Variants in NEK10 observed in about 807,000 individuals in gnomAD.
NEK10 encodes serine/threonine-protein kinase Nek10.
Under a neutral mutation model 159.8 loss-of-function variants are expected in NEK10, and 122 were observed. The observed-to-expected ratio is 0.76, with a 90% CI of 0.66 to 0.89. The LOEUF is 0.89. Among genes scored for constraint, NEK10 ranks in the 40% least tolerant of loss-of-function variants. The pLI, the probability that NEK10 is intolerant of heterozygous loss-of-function variation, is 0.00. For missense variants in NEK10, 1,342 were observed against 1,323.1 expected (o/e 1.01, Z -0.22); for synonymous variants, 466 against 457.1 (o/e 1.02, Z -0.25).
chr3:27,288,280 A>C (rs1001724091), intron 19 of NEK10, among the ~76,000 whole-genome samples: 10 of 152,224 alleles, frequency 6.6e-5, no homozygotes, highest in African/African-American at 2.4e-4. Flanking sequence ...TCATAATAAC[A>C]GTTGACAAGG....
At chr3:27,208,236 T>C (rs1950691780) in intron 23 of NEK10, among the ~76,000 whole-genome samples, 1 of 152,060 alleles carries the variant, frequency 6.6e-6, no homozygotes, top group Non-Finnish European at 1.5e-5. Context: ...TCTCGGTGCA[T>C]TTTCTGGAAA....
intron 1 of NEK10, among the ~76,000 whole-genome samples, chr3:27,364,050 T>C (rs1160574327): frequency 6.6e-6 from 1 of 152,014 alleles, no homozygotes; most frequent in Non-Finnish European, 1.5e-5. Context: ...ACTAGATAAA[T>C]ATGTTACTGT....
intron 22 of NEK10, among the ~76,000 whole-genome samples, chr3:27,283,916 A>G (rs763835946): frequency 6.6e-6 from 1 of 152,202 alleles, no homozygotes; most frequent in Non-Finnish European, 1.5e-5. Flanking sequence ...TTGATGAGGC[A>G]GTGTTCTACA....
At position 27,227,665 on chromosome 3, in the gene NEK10, A is replaced by T. The variant is rs187465981; in HGVS notation, c.2091-25108T>A. ...TCATAACACACATTGTATGTCAGCA[A>T]TTCAACGGCATAAAACTTGAAAGTA... On this transcript the variant is annotated intron_variant, in intron 23 of 35. Coordinates refer to ENST00000691995, the MANE Select transcript of NEK10 (RefSeq NM_001394966.1). Among the ~76,000 whole-genome samples, 495 of 152,364 alleles carry T rather than the reference A, an allele frequency of 3.2e-3. 5 individuals are homozygous for T. The highest frequency in any genetic ancestry group is 0.012 in the African/African-American group (481 of 41,572).
intron 31 of NEK10, among the ~76,000 whole-genome samples, chr3:27,140,259 A>T (rs1187351560): frequency 2.0e-5 from 3 of 152,194 alleles, no homozygotes; most frequent in African/African-American, 7.2e-5. Context: ...ATAGCTTCTC[A>T]CACAGTTTCC....
intron 3 of NEK10, 150 bp from the exon 4 acceptor site, chr3:27,346,366 A>T: frequency 1.2e-6 from 1 of 804,982 alleles, no homozygotes; most frequent in Non-Finnish European, 2.0e-6. Flanking sequence ...GTTTTCCAAG[A>T]TTCAAATCAA....
intron 30 of NEK10, among the ~76,000 whole-genome samples, chr3:27,147,606 T>C (rs931155421): frequency 1.3e-5 from 2 of 152,244 alleles, no homozygotes; most frequent in African/African-American, 2.4e-5. Flanking sequence ...GAATTCTGGC[T>C]GAGCCTCTTT....
At chr3:27,183,722 T>A (rs888797207) in intron 26 of NEK10, among the ~76,000 whole-genome samples, 1 of 152,100 alleles carries the variant, frequency 6.6e-6, no homozygotes, top group African/African-American at 2.4e-5. Flanking sequence ...AAAGAACTCC[T>A]ACAAATCAAC....
intron 23 of NEK10, among the ~76,000 whole-genome samples, chr3:27,218,734 T>A (rs1951793144): frequency 9.1e-6 from 1 of 109,830 alleles, no homozygotes; most frequent in African/African-American, 3.4e-5. Flanking sequence ...CAGAATGAAG[T>A]CTAAAAAAAA....
chr3:27,231,671 C>G (rs1953290711), intron 23 of NEK10, among the ~76,000 whole-genome samples: 1 of 151,788 alleles, frequency 6.6e-6, no homozygotes, highest in African/African-American at 2.4e-5. Flanking sequence ...ACATTACAAC[C>G]AATACCACAG....
At chr3:27,336,568 C>T (rs879437058) in intron 5 of NEK10, among the ~76,000 whole-genome samples, 6 of 152,168 alleles carry the variant, frequency 3.9e-5, no homozygotes, top group Non-Finnish European at 7.4e-5. Context: ...AGAACAGTAT[C>T]CCTAATGAAC....
At chr3:27,218,921 C>T (rs2149139906) in intron 23 of NEK10, among the ~76,000 whole-genome samples, 1 of 152,288 alleles carries the variant, frequency 6.6e-6, no homozygotes, top group South Asian at 2.1e-4. Context: ...ACAGCTTCCA[C>T]TCAGACGGGT....
intron 22 of NEK10, among the ~76,000 whole-genome samples, chr3:27,267,327 A>G (rs1169177243): frequency 6.6e-6 from 1 of 152,218 alleles, no homozygotes; most frequent in Non-Finnish European, 1.5e-5. Context: ...CCCTAGAGGT[A>G]GTAGCTGCTT....
rs752436375 is a variant in NEK10 at position 27,204,315 on chromosome 3, T to TGTTTTG, written c.2091-1759_2091-1758insCAAAAC. Among the ~76,000 whole-genome samples the TGTTTTG allele has an allele frequency of 1.9e-3, 217 of 113,140 alleles. 1 individual carries two copies. The highest frequency in any genetic ancestry group is 6.2e-3 in the Middle Eastern group (1 of 162). The allele number at this position is 113,140 out of a possible 152,430, so 74.2% of individuals were successfully genotyped here. On this transcript the variant is annotated intron_variant, in intron 23 of 35. Transcript: ENST00000691995. ...TTTTTGTTGTTGTTTTTTTTTTTTT[T>TGTTTTG]TTTTTTATTATACTTTAAGTTTTAG...
At chr3:27,204,151 T>A (rs1296650855) in intron 23 of NEK10, among the ~76,000 whole-genome samples, 1 of 152,110 alleles carries the variant, frequency 6.6e-6, no homozygotes, top group Non-Finnish European at 1.5e-5. Context: ...CTGTGAGTGT[T>A]CCACCCATAT....
chr3:27,156,360 A>G (rs1559526015), intron 30 of NEK10, among the ~76,000 whole-genome samples: 1 of 152,176 alleles, frequency 6.6e-6, no homozygotes, highest in Non-Finnish European at 1.5e-5. Context: ...CAGAGTAAAC[A>G]GACAACCCAC....
intron 31 of NEK10, among the ~76,000 whole-genome samples, chr3:27,139,930 TG>T (rs1265575306): frequency 6.6e-6 from 1 of 152,218 alleles, no homozygotes; most frequent in Non-Finnish European, 1.5e-5. Context: ...GCCCTGTGGT[TG>T]CTCTCCTTTG....
chr3:27,210,884 T>A (rs1419360077), intron 23 of NEK10, among the ~76,000 whole-genome samples: 1 of 152,220 alleles, frequency 6.6e-6, no homozygotes, highest in Non-Finnish European at 1.5e-5. Context: ...GTTGTCAATG[T>A]CCTTTTTATG....
At chr3:27,185,367 A>T (rs1575148353) in intron 26 of NEK10, among the ~76,000 whole-genome samples, 1 of 148,348 alleles carries the variant, frequency 6.7e-6, no homozygotes, top group Non-Finnish European at 1.5e-5. Context: ...AAGATCAGAT[A>T]TTTTTTTTGG....
Sources: allele counts gnomAD v4.1 joint callset (sites outside exome capture counted in the v4.1 genomes callset), GRCh38; gene constraint gnomAD v4.1.1; transcripts MANE v1.5; gene names NCBI Gene and HGNC (gene_info 2026-07-23, HGNC 2026-07-21).